FBRSL1: variants seen among roughly 807,000 people sequenced by gnomAD.
FBRSL1 encodes the protein fibrosin like 1.
In FBRSL1, 51 loss-of-function variants were observed where a neutral mutation model predicts 89.6. The observed-to-expected ratio is 0.57, with a 90% CI of 0.45 to 0.72. The LOEUF is 0.72. Among genes scored for constraint, FBRSL1 ranks in the 30% least tolerant of loss-of-function variants. The pLI, the probability that FBRSL1 is intolerant of heterozygous loss-of-function variation, is 0.00. For missense variants in FBRSL1, 1,618 were observed against 1,451.8 expected (o/e 1.11, Z -1.86); for synonymous variants, 779 against 681.1 (o/e 1.14, Z -2.24).
rs1257572882 is a variant in FBRSL1 at position 132,570,252 on chromosome 12, C to T, written c.1007+11C>T. The T allele has an allele frequency of 4.2e-5, 62 of 1,491,250 alleles. 1 individual carries two copies. The highest frequency in any genetic ancestry group is 7.8e-5 in the South Asian group (6 of 77,252). 92.4% of individuals were successfully genotyped at this position (1,491,250 alleles called of 1,614,324 possible). ...CCTGCACGGCCTCAGGTGGGGTCCC[C>T]GCGGGGGACGGGGCCTGTGTGGTCT... On this transcript the variant is annotated intron_variant, in intron 7 of 18. Transcript: ENST00000680143.
At chr12:132,569,839 A>C in intron 6 of FBRSL1, 87 bp from the exon 7 acceptor site, 1 of 1,026,160 alleles carries the variant, frequency 9.7e-7, no homozygotes, top group Non-Finnish European at 1.3e-6. Context: ...TAGCCTGGGC[A>C]CCGGGCACGT....
chr12:132,565,881 GAGAC>G (rs1490973831), intron 5 of FBRSL1: 26 of 152,262 alleles, frequency 1.7e-4, no homozygotes, highest in African/African-American at 6.0e-4. Context: ...CGGCTCTGTA[GAGAC>G]AGACAGATTT....
chr12:132,558,373 G>A (rs527464400), intron 5 of FBRSL1, among the ~76,000 whole-genome samples: 1 of 152,340 alleles, frequency 6.6e-6, no homozygotes, highest in South Asian at 2.1e-4. Flanking sequence ...TCGTCGGTGA[G>A]ACGAGTGGTG....
chr12:132,572,227 C>T (rs1042804997), intron 9 of FBRSL1, 61 bp from the exon 10 acceptor site: 10 of 1,494,400 alleles, frequency 6.7e-6, no homozygotes, highest in Non-Finnish European at 9.1e-6. Context: ...GTGGGCGGGG[C>T]CCGGGGCCCA....
Position 132,583,666 on chromosome 12 carries a change from C to T in FBRSL1, c.2897C>T (p.Pro966Leu). 2.7e-6 allele frequency: 3 copies of T among 1,094,386 alleles called. No homozygotes were observed. Among genetic ancestry groups the T allele is most frequent in the Non-Finnish European group, 3.3e-6 (3 of 899,108 alleles). 67.8% of individuals were successfully genotyped at this position (1,094,386 alleles called of 1,614,324 possible). ...PPPLVTAAGP[P>L]TPPGPPRSRT... ...CCCCTGGTGACGGCGGCCGGGCCCC[C>T]CACGCCCCCCGGGCCGCCGCGGAGC... The change falls in exon 19 of 19, where the codon CCC (proline) becomes CTC (leucine). Residue 966 changes from proline (P) to leucine (L), a missense_variant. Physicochemically the swap from Pro to Leu is moderately conservative, Grantham distance 98. Transcript: ENST00000680143.
intron 1 of FBRSL1, among the ~76,000 whole-genome samples, chr12:132,502,021 T>C (rs1191706367): frequency 6.6e-5 from 10 of 152,246 alleles, no homozygotes; most frequent in Admixed American, 4.6e-4. Context: ...TGAGGAAGTC[T>C]GTTTGTACAG....
intron 1 of FBRSL1, among the ~76,000 whole-genome samples, chr12:132,498,194 T>C (rs930770808): frequency 6.6e-6 from 1 of 152,120 alleles, no homozygotes; most frequent in African/African-American, 2.4e-5. Context: ...ACGTGCCCCC[T>C]GTGTGGGTGT....
At chr12:132,505,563 G>A (rs2033581281) in intron 1 of FBRSL1, among the ~76,000 whole-genome samples, 2 of 152,230 alleles carry the variant, frequency 1.3e-5, no homozygotes, top group Admixed American at 6.5e-5. Context: ...TGGACGGGAC[G>A]CTGTATGGTC....
At chr12:132,511,960 C>T (rs565961297) in intron 2 of FBRSL1, 10 of 985,184 alleles carry the variant, frequency 1.0e-5, no homozygotes, top group Admixed American at 1.2e-4. Flanking sequence ...ACAGCATCAG[C>T]GTTTGTAATT....
At chr12:132,537,509 G>A (rs373532180) in intron 4 of FBRSL1, among the ~76,000 whole-genome samples, 7 of 152,150 alleles carry the variant, frequency 4.6e-5, no homozygotes, top group Non-Finnish European at 7.4e-5. Flanking sequence ...TGGCAGTCGC[G>A]ACTTGAGAAA....
chr12:132,569,957 C>T lies in FBRSL1; in HGVS notation c.723C>T (p.Ala241=), dbSNP rs904532677. The change falls in exon 7 of 19, where the codon GCC becomes GCT. Residue 241 remains alanine, a synonymous_variant. Transcript: ENST00000680143. ...CGCTTGAGAAGTCGGAGGCCAAGGC[C>T]GGGCCGGTGCCCAAGGTGTCAGGCC... ...GPALEKSEAK[A]GPVPKVSGLE... 14 of 1,432,412 alleles carry T rather than the reference C, an allele frequency of 9.8e-6. No individual in the cohort carries two copies. The East Asian group carries it at 1.4e-4, about 14-fold the overall frequency. The allele number at this position is 1,432,412 out of a possible 1,614,324, so 88.7% of individuals were successfully genotyped here. A position where few individuals can be genotyped will look rare whatever the true frequency, so the allele number is the denominator to read the frequency against.
chr12:132,534,819 C>T (rs2036578676), intron 4 of FBRSL1, among the ~76,000 whole-genome samples: 1 of 152,248 alleles, frequency 6.6e-6, no homozygotes. Flanking sequence ...CCAGCACATT[C>T]TGCAGGTCAG....
intron 2 of FBRSL1, chr12:132,509,377 G>C (rs1408981061): frequency 5.6e-6 from 7 of 1,242,626 alleles, no homozygotes; most frequent in Non-Finnish European, 7.0e-6. Flanking sequence ...TCACTTCTGG[G>C]CCTGAAACAG....
intron 14 of FBRSL1, 28 bp downstream of exon 14, chr12:132,574,592 G>A (rs924725704): frequency 3.2e-5 from 50 of 1,543,230 alleles, no homozygotes; most frequent in Non-Finnish European, 3.3e-5. Context: ...GGGGCAGGGC[G>A]CTTGTGAACC....
intron 2 of FBRSL1, among the ~76,000 whole-genome samples, chr12:132,522,602 G>A (rs777572074): frequency 4.6e-5 from 7 of 152,206 alleles, no homozygotes; most frequent in Admixed American, 6.5e-5. Context: ...GGATACTGAC[G>A]TCACAGAAAC....
In FBRSL1 at chr12:132,499,488, T is replaced by G. The variant is rs57094108; in HGVS notation, c.291+8627T>G. Among the ~76,000 whole-genome samples, 967 of 152,332 alleles carry G rather than the reference T, an allele frequency of 6.3e-3. 9 individuals are homozygous for G. Among genetic ancestry groups the G allele is most frequent in the African/African-American group, 0.022 (922 of 41,572 alleles). ...CCCCAAGATACACCCACAGGCCCCA[T>G]TGCCAGTGAGTATTGGGATGGCAGT... On this transcript the variant is annotated intron_variant, in intron 1 of 18. Coordinates refer to ENST00000680143, the MANE Select transcript of FBRSL1 (RefSeq NM_001367871.1). The surrounding 1 kb of genome is among the most constrained non-coding windows in gnomAD (Gnocchi z 4.3).
chr12:132,492,789 T>C (rs140484497), intron 1 of FBRSL1, among the ~76,000 whole-genome samples: 1 of 152,248 alleles, frequency 6.6e-6, no homozygotes, highest in African/African-American at 2.4e-5. Context: ...GGTGGTTTCA[T>C]GTCCCTTCCT....
chr12:132,522,735 C>T (rs1361725715), intron 2 of FBRSL1, among the ~76,000 whole-genome samples: 1 of 152,188 alleles, frequency 6.6e-6, no homozygotes, highest in Non-Finnish European at 1.5e-5. Flanking sequence ...GAAGCACAGG[C>T]TTGGTGGAGC....
At chr12:132,509,657 C>T (rs1010036504) in intron 2 of FBRSL1, 9 of 1,231,610 alleles carry the variant, frequency 7.3e-6, no homozygotes, top group Non-Finnish European at 9.1e-6. Flanking sequence ...TGCGGTTCCT[C>T]CTGGCCCCAA....
Sources: gnomAD v4.1 joint callset for allele counts (sites outside exome capture counted in the v4.1 genomes callset) on GRCh38, gnomAD v4.1.1 for gene constraint, Gnocchi (gnomAD v3.1) non-coding constraint, MANE v1.5 for transcripts, NCBI Gene and HGNC (gene_info 2026-07-23, HGNC 2026-07-21) for gene names.